TBC1D8: variants seen among roughly 807,000 people sequenced by gnomAD.
TBC1D8 encodes the protein BUB2-like protein 1.
Under a neutral mutation model 118.8 loss-of-function variants are expected in TBC1D8, and 65 were observed. That is an observed-to-expected ratio of 0.55 (90% CI 0.45 to 0.67). The LOEUF (loss-of-function observed/expected upper bound fraction) is 0.67. Among genes scored for constraint, TBC1D8 ranks in the 30% least tolerant of loss-of-function variants. The pLI is 0.00. For synonymous variants in TBC1D8, 566 were observed against 595.8 expected (o/e 0.95, Z 0.73); for missense variants, 1,376 against 1,471.2 (o/e 0.94, Z 1.06).
intron 1 of TBC1D8, among the ~76,000 whole-genome samples, chr2:101,124,324 A>AC (rs1471745872): frequency 1.3e-5 from 2 of 152,342 alleles, no homozygotes; most frequent in East Asian, 3.9e-4. Context: ...GCAGTGGGTG[A>AC]CTAAGACAAG....
intron 1 of TBC1D8, among the ~76,000 whole-genome samples, chr2:101,137,979 C>T (rs1262193112): frequency 1.3e-5 from 2 of 152,174 alleles, no homozygotes; most frequent in Non-Finnish European, 2.9e-5. Context: ...GTTCCACAGG[C>T]TGTACAGGAA....
chr2:101,090,354 G>A lies in TBC1D8; in HGVS notation c.138C>T (p.Val46=), dbSNP rs76282769. The A allele has an allele frequency of 3.0e-5, 48 of 1,613,914 alleles. No homozygotes were observed. The highest frequency in any genetic ancestry group is 3.7e-5 in the Non-Finnish European group (44 of 1,179,868). Reference sequence around the variant, plus strand: ...AATCCAACACTGCATCCAGAGCGCCGACCAGGCGACCTTCAAAAGAAAAGA... The same window carrying A: ...AATCCAACACTGCATCCAGAGCGCCAACCAGGCGACCTTCAAAAGAAAAGA... ...EGGGRLTGRL[V]GALDAVLDSN... The change falls in exon 2 of 20, where the codon GTC becomes GTT. Residue 46 remains valine (V), a synonymous_variant. Coordinates refer to ENST00000409318, the MANE Select transcript of TBC1D8 (RefSeq NM_001330348.2).
At chr2:101,042,564 T>C (rs1443608854) in intron 5 of TBC1D8, among the ~76,000 whole-genome samples, 2 of 152,122 alleles carry the variant, frequency 1.3e-5, no homozygotes, top group Non-Finnish European at 2.9e-5. Context: ...CACAATATGG[T>C]AAAACAGAAA....
chr2:101,079,679 G>GT (rs1675119760), intron 2 of TBC1D8, among the ~76,000 whole-genome samples: 2 of 111,396 alleles, frequency 1.8e-5, no homozygotes, highest in South Asian at 3.1e-4. Flanking sequence ...GGTCCAGTCT[G>GT]GTTTTTTTTT....
chr2:101,135,295 ATGT>A (rs1678803878), intron 1 of TBC1D8, among the ~76,000 whole-genome samples: 1 of 152,172 alleles, frequency 6.6e-6, no homozygotes, highest in Admixed American at 6.5e-5. Context: ...TCAAATCTAA[ATGT>A]TTTATTTGGC....
At position 101,032,304 on chromosome 2, in the gene TBC1D8, G is replaced by A. The variant is rs755195520; in HGVS notation, c.1900C>T (p.Arg634Trp). 2.5e-5 allele frequency: 41 copies of A among 1,613,802 alleles called. No homozygotes were observed. The highest frequency in any genetic ancestry group is 1.3e-4 in the East Asian group (6 of 44,866). ...TGGTTGAAGTAATCGGGCAGCATCC[G>A]CTCACACACAGCAACCAACAGCCAG... ...AFWLLVAVCE[R>W]MLPDYFNHRV... Residue 634 changes from arginine to tryptophan, a missense_variant, in exon 11 of 20, where the codon CGG (arginine) becomes TGG (tryptophan). Transcript: ENST00000409318.
At chr2:101,061,840 C>T (rs1682772067) in intron 2 of TBC1D8, among the ~76,000 whole-genome samples, 1 of 152,210 alleles carries the variant, frequency 6.6e-6, no homozygotes, top group Admixed American at 6.5e-5. Flanking sequence ...TTCAGGCTCC[C>T]CATCCCTCTT....
intron 1 of TBC1D8, among the ~76,000 whole-genome samples, chr2:101,108,541 G>C (rs897800166): frequency 6.6e-6 from 1 of 152,114 alleles, no homozygotes; most frequent in African/African-American, 2.4e-5. Context: ...GCGTCTCCGA[G>C]GTCTGCTTGC....
intron 1 of TBC1D8, among the ~76,000 whole-genome samples, chr2:101,093,815 TC>T (rs1265715974): frequency 1.3e-5 from 2 of 151,850 alleles, no homozygotes; most frequent in Admixed American, 6.6e-5. Context: ...GTTCAAGCGA[TC>T]CTCCTGCCTC....
intron 1 of TBC1D8, chr2:101,109,898 C>T (rs1219165073): frequency 1.0e-6 from 1 of 985,506 alleles, no homozygotes; most frequent in Non-Finnish European, 1.2e-6. Context: ...AAACTCTTTG[C>T]TGCATCTCCA....
intron 3 of TBC1D8, among the ~76,000 whole-genome samples, chr2:101,057,229 C>T (rs945711216): frequency 6.6e-5 from 10 of 152,152 alleles, no homozygotes; most frequent in African/African-American, 2.4e-4. Context: ...GTGTCCTGCT[C>T]CTGTACCAGA....
intron 5 of TBC1D8, among the ~76,000 whole-genome samples, chr2:101,047,079 C>T (rs1289422101): frequency 6.6e-6 from 1 of 152,208 alleles, no homozygotes; most frequent in Non-Finnish European, 1.5e-5. Context: ...GCTTCCCTCC[C>T]TCTGTTCCCT....
At chr2:101,079,743 T>G (rs766684742) in intron 2 of TBC1D8, among the ~76,000 whole-genome samples, 4 of 133,604 alleles carry the variant, frequency 3.0e-5, no homozygotes, top group Non-Finnish European at 6.1e-5. Flanking sequence ...TGGAGTGCAG[T>G]GGTGCGATCT....
chr2:101,029,689 A>G lies in TBC1D8; in HGVS notation c.2024T>C (p.Leu675Pro), dbSNP rs748091462. The G allele has an allele frequency of 6.2e-7, 1 of 1,614,022 alleles. No homozygotes were observed. Among genetic ancestry groups the G allele is most frequent in the Admixed American group, 1.7e-5 (1 of 60,030 alleles). Reference protein sequence around the residue: ...LAEHMNDLSALASVSLSWFLT... With the variant: ...LAEHMNDLSAPASVSLSWFLT... ...GAACCACGAGAGAGAGACGGACGCC[A>G]GGGCTGAGAGGTCGTTCATGTGCTC... Residue 675 changes from leucine (L) to proline (P), a missense_variant, in exon 12 of 20, where the codon CTG becomes CCG. Physicochemically the swap from Leu to Pro is moderately conservative, Grantham distance 98. Transcript: ENST00000409318.
chr2:101,061,395 CG>C, intron 2 of TBC1D8, among the ~76,000 whole-genome samples: 1 of 152,010 alleles, frequency 6.6e-6, no homozygotes, highest in African/African-American at 2.4e-5. Flanking sequence ...TTGTTCTGAG[CG>C]GACACTTAGG....
In TBC1D8 at chr2:101,035,465, G is replaced by A. The variant is rs543083606; in HGVS notation, c.1603+553C>T. 7.2e-5 allele frequency among the ~76,000 whole-genome samples: 11 copies of A among 152,270 alleles called. No homozygotes were observed. In the South Asian group the frequency reaches 1.9e-3, roughly 26 times the overall value. On this transcript the variant is annotated intron_variant, in intron 9 of 19. Transcript: ENST00000409318. Reference sequence around the variant, plus strand: ...GCGTTCCCCAATGGGTGCAGTGAGAGGCCCCGGGGCTCTGAAGCTAAAAGA... The same window carrying A: ...GCGTTCCCCAATGGGTGCAGTGAGAAGCCCCGGGGCTCTGAAGCTAAAAGA...
intron 17 of TBC1D8, chr2:101,018,199 A>G (rs1401597287): frequency 6.0e-6 from 2 of 335,524 alleles, no homozygotes; most frequent in South Asian, 7.0e-5. Context: ...AATTCAAATT[A>G]TAACACTGAC....
chr2:101,097,087 A>G (rs575111719), intron 1 of TBC1D8, among the ~76,000 whole-genome samples: 2 of 152,310 alleles, frequency 1.3e-5, no homozygotes, highest in African/African-American at 4.8e-5. Context: ...CCATAGGGGG[A>G]AAAAACAGCT....
At chr2:101,012,430 G>T (rs1229848909) in intron 17 of TBC1D8, among the ~76,000 whole-genome samples, 2 of 152,226 alleles carry the variant, frequency 1.3e-5, no homozygotes, top group African/African-American at 2.4e-5. Context: ...TGCTAGGTGA[G>T]AGAAGTCGAA....
Sources: gnomAD v4.1 joint callset for allele counts (sites outside exome capture counted in the v4.1 genomes callset) on GRCh38, gnomAD v4.1.1 for gene constraint, MANE v1.5 for transcripts, NCBI Gene and HGNC (gene_info 2026-07-23, HGNC 2026-07-21) for gene names.